Variants in ATP8A2 observed in about 807,000 individuals in gnomAD.
ATP8A2 encodes the protein ATPase phospholipid transporting 8A2, also known as phospholipid-transporting ATPase IB.
Under a neutral mutation model 165.6 loss-of-function variants are expected in ATP8A2, and 100 were observed. The observed-to-expected ratio is 0.60, with a 90% CI of 0.51 to 0.71. ATP8A2 has a LOEUF of 0.71. ATP8A2 is among the 30% of genes least tolerant of loss of function. ATP8A2 has a pLI of 0.00. For synonymous variants in ATP8A2, 543 were observed against 548.8 expected (o/e 0.99, Z 0.15); for missense variants, 1,227 against 1,479.5 (o/e 0.83, Z 2.80).
rs188060800 is a variant in ATP8A2 at position 25,588,067 on chromosome 13, A to T, written c.2147-1568A>T. ...TTAAAAACAATATGTGTTTGTTTTA[A>T]CAAGAGAAATAATCTGATTCCCTTG... On this transcript the variant is annotated intron_variant, in intron 23 of 36. Coordinates refer to ENST00000381655, the MANE Select transcript of ATP8A2 (RefSeq NM_016529.6). 6.6e-4 allele frequency among the ~76,000 whole-genome samples: 101 copies of T among 152,272 alleles called. 1 individual carries two copies. In the East Asian group the frequency reaches 0.019, roughly 29 times the overall value.
intron 24 of ATP8A2, among the ~76,000 whole-genome samples, chr13:25,678,266 G>C (rs1370001271): frequency 1.3e-5 from 2 of 152,146 alleles, no homozygotes; most frequent in African/African-American, 4.8e-5. Flanking sequence ...GGAAAACAGA[G>C]TTCTGTGTCT....
At chr13:25,591,303 A>C (rs1014681339) in intron 24 of ATP8A2, 1 of 455,554 alleles carries the variant, frequency 2.2e-6, no homozygotes, top group Non-Finnish European at 4.4e-6. Flanking sequence ...TTGAACAACT[A>C]CTCTCCATTC....
chr13:25,385,108 C>T (rs761836049), intron 1 of ATP8A2, among the ~76,000 whole-genome samples: 17 of 152,226 alleles, frequency 1.1e-4, no homozygotes, highest in Non-Finnish European at 2.1e-4. Context: ...AGTGGTTTAA[C>T]CCTTAACCCA....
intron 25 of ATP8A2, among the ~76,000 whole-genome samples, chr13:25,742,739 T>C (rs2043944135): frequency 6.7e-6 from 1 of 150,370 alleles, no homozygotes; most frequent in Admixed American, 6.7e-5. Context: ...GGATATGAGC[T>C]GGGAACTCAT....
chr13:26,022,109 G>A lies in ATP8A2; in HGVS notation c.*2124G>A, dbSNP rs893481329. On this transcript the variant is annotated 3_prime_UTR_variant, in exon 37 of 37. Transcript: ENST00000381655. Reference sequence around the variant, plus strand: ...ATCAGAGTACCCAGCAAGACGGAAGGACTGTCATGCAGGAACTCTAACACA... The same window carrying A: ...ATCAGAGTACCCAGCAAGACGGAAGAACTGTCATGCAGGAACTCTAACACA... The A allele has an allele frequency of 1.3e-5, 2 of 152,164 alleles. No homozygotes were observed. The highest frequency in any genetic ancestry group is 2.9e-5 in the Non-Finnish European group (2 of 68,026). The allele number at this position is 152,164 out of a possible 1,614,324, so 9.4% of individuals were successfully genotyped here.
intron 33 of ATP8A2, among the ~76,000 whole-genome samples, chr13:25,935,395 T>C (rs1954856925): frequency 6.6e-6 from 1 of 152,208 alleles, no homozygotes; most frequent in African/African-American, 2.4e-5. Flanking sequence ...AGTGGCTCAC[T>C]ATTATAGTGT....
chr13:25,977,954 T>A (rs1168644647), intron 35 of ATP8A2, among the ~76,000 whole-genome samples: 1 of 152,200 alleles, frequency 6.6e-6, no homozygotes, highest in Non-Finnish European at 1.5e-5. Flanking sequence ...ATGACTTGAG[T>A]ACATTTCCTT....
chr13:25,533,723 C>T (rs1032063987), intron 6 of ATP8A2, among the ~76,000 whole-genome samples: 1 of 152,160 alleles, frequency 6.6e-6, no homozygotes, highest in Non-Finnish European at 1.5e-5. Context: ...ACCCCATTTC[C>T]GTTCTAGCAC....
chr13:25,524,886 A>ACTTC (rs58154499), intron 2 of ATP8A2, among the ~76,000 whole-genome samples: 8,725 of 141,516 alleles, frequency 0.062, 319 homozygotes, highest in African/African-American at 0.093. Context: ...TTGTTTGATA[A>ACTTC]CTTCCTTCCT....
intron 5 of ATP8A2, 31 bp from the exon 6 acceptor site, chr13:25,533,242 T>C (rs755705756): frequency 8.1e-7 from 1 of 1,235,008 alleles, no homozygotes. Flanking sequence ...AACACCAGTA[T>C]TAACCAATAT....
rs576494063 is a variant in ATP8A2 at position 26,022,580 on chromosome 13, A to T, written c.*2595A>T. 1.3e-5 allele frequency: 2 copies of T among 152,354 alleles called. No individual in the cohort carries two copies. Among genetic ancestry groups the T allele is most frequent in the South Asian group, 4.1e-4 (2 of 4,826 alleles). 9.4% of individuals were successfully genotyped at this position (152,354 alleles called of 1,614,324 possible). On this transcript the variant is annotated 3_prime_UTR_variant, in exon 37 of 37. Coordinates refer to ENST00000381655, the MANE Select transcript of ATP8A2 (RefSeq NM_016529.6). ...TCCTCTCATGTGGTTGAGCATTCTT[A>T]CAGCCAAATGACTAAATTGGCTGTA...
chr13:25,643,200 C>G (rs1023875171), intron 24 of ATP8A2, among the ~76,000 whole-genome samples: 2 of 152,146 alleles, frequency 1.3e-5, no homozygotes, highest in East Asian at 1.9e-4. Flanking sequence ...TACCCTAGAA[C>G]TTAAAGTGTA....
At chr13:25,539,099 GT>G (rs752787713) in intron 7 of ATP8A2, among the ~76,000 whole-genome samples, 1 of 133,662 alleles carries the variant, frequency 7.5e-6, no homozygotes, top group Non-Finnish European at 1.6e-5. Context: ...GTGTGTGTGT[GT>G]TTTGTTTTGT....
intron 24 of ATP8A2, among the ~76,000 whole-genome samples, chr13:25,625,222 C>T (rs2041071491): frequency 1.3e-5 from 2 of 152,156 alleles, no homozygotes; most frequent in Non-Finnish European, 2.9e-5. Flanking sequence ...AATCAAGAGA[C>T]AGGAGAAATG....
chr13:25,468,067 T>C (rs958683851), intron 1 of ATP8A2, among the ~76,000 whole-genome samples: 1 of 151,908 alleles, frequency 6.6e-6, no homozygotes, highest in Non-Finnish European at 1.5e-5. Context: ...TGCCTTGGAG[T>C]TGGAGATGAG....
chr13:25,544,910 G>GTT (rs5802339), intron 10 of ATP8A2, among the ~76,000 whole-genome samples: 15,475 of 136,044 alleles, frequency 0.11, 1,127 homozygotes, highest in Non-Finnish European at 0.18. Context: ...TTATGAGTGA[G>GTT]TTTTTTTTTT....
chr13:25,972,493 G>A (rs1955937714), intron 35 of ATP8A2, among the ~76,000 whole-genome samples: 1 of 152,172 alleles, frequency 6.6e-6, no homozygotes, highest in South Asian at 2.1e-4. Flanking sequence ...CTTCTTGAAG[G>A]AGTGTTTTTC....
chr13:25,478,249 T>C (rs749024504), intron 2 of ATP8A2, among the ~76,000 whole-genome samples: 1 of 152,042 alleles, frequency 6.6e-6, no homozygotes, highest in Non-Finnish European at 1.5e-5. Flanking sequence ...GTTGCTTAAG[T>C]TGAAAAAGTA....
At chr13:25,631,525 G>A (rs1681505858) in intron 24 of ATP8A2, among the ~76,000 whole-genome samples, 1 of 152,134 alleles carries the variant, frequency 6.6e-6, no homozygotes, top group African/African-American at 2.4e-5. Context: ...TTTGTCAAGT[G>A]CTGGATAATG....
Sources: allele counts gnomAD v4.1 joint callset (sites outside exome capture counted in the v4.1 genomes callset), GRCh38; gene constraint gnomAD v4.1.1; transcripts MANE v1.5; gene names NCBI Gene and HGNC (gene_info 2026-07-23, HGNC 2026-07-21).